The following GPHN variants were observed in gnomAD, a reference collection of about 807,000 sequenced individuals.
GPHN encodes the protein gephyrin.
A neutral mutation model predicts 95.5 loss-of-function variants in GPHN; 17 were observed. The ratio of observed to expected loss-of-function variants is 0.18; its 90% confidence interval spans 0.12 to 0.27. GPHN has a LOEUF of 0.27. Ranked by LOEUF, GPHN falls within the 10% of genes least tolerant of loss-of-function variation. GPHN has a pLI of 1.00. For missense variants in GPHN, 660 were observed against 978.1 expected, an observed-to-expected ratio of 0.67 and a Z score of 4.34; for synonymous variants, 320 against 322.5, an observed-to-expected ratio of 0.99 and a Z score of 0.08.
the GPHN span, chr14:67,583,941 T>A: frequency 3.1e-6 from 5 of 1,612,056 alleles, no homozygotes; most frequent in Admixed American, 6.7e-5. Context: ...AGGCCTGGAA[T>A]GAAGACACGT....
At chr14:66,705,635 TA>T (rs1326000288) in intron 2 of GPHN, among the ~76,000 whole-genome samples, 1 of 152,160 alleles carries the variant, frequency 6.6e-6, no homozygotes, top group Non-Finnish European at 1.5e-5. Flanking sequence ...TTAAAAACTC[TA>T]AATAAACTAT....
chr14:67,124,766 A>G (rs1206723313), intron 17 of GPHN, among the ~76,000 whole-genome samples: 1 of 152,024 alleles, frequency 6.6e-6, no homozygotes, highest in African/African-American at 2.4e-5. Flanking sequence ...TTTTTACCCT[A>G]ATTTGTTCTG....
At chr14:67,308,463 T>G in the GPHN span, among the ~76,000 whole-genome samples, 1 of 151,986 alleles carries the variant, frequency 6.6e-6, no homozygotes, top group Non-Finnish European at 1.5e-5. Flanking sequence ...AAATTTATAC[T>G]TTTCCAAAGG....
At chr14:67,628,665 A>G in the GPHN span, among the ~76,000 whole-genome samples, 1 of 152,322 alleles carries the variant, frequency 6.6e-6, no homozygotes, top group South Asian at 2.1e-4. Flanking sequence ...CATTTTCATA[A>G]TTTGTAAAAA....
At chr14:67,387,664 A>G in the GPHN span, among the ~76,000 whole-genome samples, 1 of 152,126 alleles carries the variant, frequency 6.6e-6, no homozygotes, top group African/African-American at 2.4e-5. Flanking sequence ...AGGCCTTCCA[A>G]TGGTTATGTC....
the GPHN span, chr14:67,447,872 G>C: frequency 1.3e-5 from 2 of 152,100 alleles, no homozygotes; most frequent in Non-Finnish European, 2.9e-5. Flanking sequence ...ATTAGAGCTG[G>C]GGAGGCTTCT....
At chr14:67,400,643 A>C in the GPHN span, among the ~76,000 whole-genome samples, 2 of 151,936 alleles carry the variant, frequency 1.3e-5, no homozygotes, top group Non-Finnish European at 2.9e-5. Flanking sequence ...TGGAGAAGGC[A>C]ATTAAGTTAA....
chr14:67,611,502 G>C, the GPHN span, among the ~76,000 whole-genome samples: 10 of 151,896 alleles, frequency 6.6e-5, no homozygotes, highest in South Asian at 2.1e-4. Flanking sequence ...CCTGACCTCA[G>C]GTGATCCACC....
intron 1 of GPHN, among the ~76,000 whole-genome samples, chr14:66,568,001 G>C (rs769301973): frequency 9.9e-5 from 15 of 152,138 alleles, no homozygotes; most frequent in Non-Finnish European, 2.1e-4. Context: ...AGAAGAAAAT[G>C]TTTATAAGTG....
At chr14:67,343,462 T>C in the GPHN span, 1 of 1,505,118 alleles carries the variant, frequency 6.6e-7, no homozygotes, top group Non-Finnish European at 9.2e-7. Flanking sequence ...AAATTAATAA[T>C]GTAAGCACAA....
At chr14:67,278,633 G>A in the GPHN span, among the ~76,000 whole-genome samples, 1 of 152,116 alleles carries the variant, frequency 6.6e-6, no homozygotes, top group Non-Finnish European at 1.5e-5. Flanking sequence ...TAATTGTTGA[G>A]CATAAAGTAC....
At chr14:66,585,120 G>A (rs993146487) in intron 1 of GPHN, among the ~76,000 whole-genome samples, 6 of 151,980 alleles carry the variant, frequency 3.9e-5, no homozygotes, top group African/African-American at 1.2e-4. Context: ...GTCTTGGGAG[G>A]GTGTATGTGT....
the GPHN span, among the ~76,000 whole-genome samples, chr14:67,501,677 C>T: frequency 2.6e-5 from 4 of 152,344 alleles, no homozygotes; most frequent in East Asian, 7.7e-4. Flanking sequence ...AAAGACCTGT[C>T]CTGCTCCAGT....
At chr14:67,538,085 A>G in the GPHN span, among the ~76,000 whole-genome samples, 7 of 152,120 alleles carry the variant, frequency 4.6e-5, no homozygotes, top group Non-Finnish European at 7.4e-5. Flanking sequence ...CCCTATTTCT[A>G]ATGTGTGATA....
intron 4 of GPHN, among the ~76,000 whole-genome samples, chr14:66,868,206 TAAG>T (rs1291795727): frequency 6.6e-6 from 1 of 152,154 alleles, no homozygotes; most frequent in Non-Finnish European, 1.5e-5. Flanking sequence ...CAGTAATTGT[TAAG>T]GAGGAAATTT....
chr14:66,593,718 A>G (rs2061856418), intron 1 of GPHN, among the ~76,000 whole-genome samples: 1 of 152,194 alleles, frequency 6.6e-6, no homozygotes, highest in African/African-American at 2.4e-5. Flanking sequence ...AGTGAGTATT[A>G]TGCTCAGCAC....
chr14:67,512,187 A>G, the GPHN span, among the ~76,000 whole-genome samples: 308 of 152,346 alleles, frequency 2.0e-3, 2 homozygotes, highest in African/African-American at 7.0e-3. Context: ...CACACACCAC[A>G]GCCAGTGTGA....
the GPHN span, chr14:67,586,596 T>C: frequency 2.2e-6 from 1 of 457,624 alleles, no homozygotes; most frequent in Non-Finnish European, 3.9e-6. Flanking sequence ...TCCTACTCAA[T>C]ACAGGAAGTG....
rs1595363396 is a variant in GPHN, at chr14:66,639,423, C to G, written c.65-41684C>G. Among the ~76,000 whole-genome samples, 5 of 152,216 alleles carry G rather than the reference C, an allele frequency of 3.3e-5. No homozygotes were observed. The South Asian group carries it at 6.2e-4, about 19-fold the overall frequency. On this transcript the variant is annotated intron_variant, in intron 1 of 22. Coordinates refer to ENST00000478722, the MANE Select transcript of GPHN (RefSeq NM_020806.5). ...CAATATGTACAAGATGGATGTGTCT[C>G]TGGTTCATACATGACAATTGATGAA...
Sources: allele counts gnomAD v4.1 joint callset (sites outside exome capture counted in the v4.1 genomes callset), GRCh38; gene constraint gnomAD v4.1.1; transcripts MANE v1.5; gene names NCBI Gene and HGNC (gene_info 2026-07-23, HGNC 2026-07-21).